Variants in SEMA3E observed in about 807,000 individuals in gnomAD.
The protein encoded by SEMA3E is semaphorin-3E.
Under a neutral mutation model 93.6 loss-of-function variants are expected in SEMA3E, and 49 were observed. That is an observed-to-expected ratio of 0.52 (90% confidence interval 0.42 to 0.66). The LOEUF (loss-of-function observed/expected upper bound fraction) is 0.66, where lower values mean the gene tolerates loss of function less well. Among genes scored for constraint, SEMA3E ranks in the 30% least tolerant of loss-of-function variants. The pLI, the probability that SEMA3E is intolerant of heterozygous loss-of-function variation, is 0.00. For missense variants in SEMA3E, 906 were observed against 964.8 expected (o/e 0.94, Z 0.81); for synonymous variants, 363 against 330.7 (o/e 1.10, Z -1.06).
chr7:83,435,359 C>G (rs1291355515), intron 4 of SEMA3E, among the ~76,000 whole-genome samples: 1 of 152,064 alleles, frequency 6.6e-6, no homozygotes, highest in Non-Finnish European at 1.5e-5. Flanking sequence ...TTTGGGAGGC[C>G]AAGGCAGGCA....
intron 1 of SEMA3E, among the ~76,000 whole-genome samples, chr7:83,536,902 C>T (rs1791420192): frequency 6.6e-6 from 1 of 151,908 alleles, no homozygotes; most frequent in Non-Finnish European, 1.5e-5. Context: ...ATGTTGACAC[C>T]CTAACCCCAA....
At chr7:83,533,063 TC>T (rs1791336312) in intron 1 of SEMA3E, among the ~76,000 whole-genome samples, 1 of 127,146 alleles carries the variant, frequency 7.9e-6, no homozygotes, top group African/African-American at 2.5e-5. Context: ...CACTGTGTCA[TC>T]ACAAGTCACT....
chr7:83,609,312 C>T (rs190402510), intron 1 of SEMA3E, among the ~76,000 whole-genome samples: 3 of 151,910 alleles, frequency 2.0e-5, no homozygotes, highest in Admixed American at 6.6e-5. Context: ...AATTATGATA[C>T]GGATCAGGCA....
intron 4 of SEMA3E, among the ~76,000 whole-genome samples, chr7:83,430,174 G>T (rs117260668): frequency 6.6e-6 from 1 of 152,006 alleles, no homozygotes; most frequent in African/African-American, 2.4e-5. Context: ...ACATAGAAAA[G>T]CCAAAATGGG....
chr7:83,387,852 T>TTA (rs945744448), intron 14 of SEMA3E, among the ~76,000 whole-genome samples: 24 of 139,044 alleles, frequency 1.7e-4, no homozygotes, highest in Admixed American at 1.2e-3. Context: ...ATATATATGT[T>TTA]TATATATATA....
chr7:83,466,205 GA>G (rs1382118841), intron 4 of SEMA3E, among the ~76,000 whole-genome samples: 1 of 152,066 alleles, frequency 6.6e-6, no homozygotes, highest in African/African-American at 2.4e-5. Flanking sequence ...ACACAATAGA[GA>G]ACACAGTTTG....
chr7:83,627,065 G>A (rs1793684845), intron 1 of SEMA3E, among the ~76,000 whole-genome samples: 1 of 152,198 alleles, frequency 6.6e-6, no homozygotes, highest in Admixed American at 6.5e-5. Context: ...ACTGTGGTCT[G>A]AGAGACCGTT....
intron 1 of SEMA3E, among the ~76,000 whole-genome samples, chr7:83,559,202 G>A (rs1457680205): frequency 1.3e-5 from 2 of 152,024 alleles, no homozygotes; most frequent in African/African-American, 2.4e-5. Context: ...ACCTGCTTGA[G>A]CCTTGGTTTC....
chr7:83,478,874 G>A (rs896268733), intron 2 of SEMA3E, among the ~76,000 whole-genome samples: 1 of 152,170 alleles, frequency 6.6e-6, no homozygotes, highest in Non-Finnish European at 1.5e-5. Flanking sequence ...TTCTAATACA[G>A]ATGTACCTGG....
intron 1 of SEMA3E, among the ~76,000 whole-genome samples, chr7:83,570,515 T>C (rs1331128483): frequency 9.3e-6 from 1 of 107,900 alleles, no homozygotes; most frequent in Non-Finnish European, 1.7e-5. Context: ...ATCCCGCCAC[T>C]GCACTCCAGC....
At chr7:83,586,759 A>T (rs536334350) in intron 1 of SEMA3E, among the ~76,000 whole-genome samples, 3 of 151,994 alleles carry the variant, frequency 2.0e-5, no homozygotes, top group Non-Finnish European at 4.4e-5. Flanking sequence ...TGTACAGTCT[A>T]TCATTACCCA....
Position 83,630,893 on chromosome 7 carries a change from G to A in SEMA3E, c.115+17535C>T, listed in dbSNP as rs933753037. On this transcript the variant is annotated intron_variant, in intron 1 of 16. Coordinates refer to ENST00000643230, the MANE Select transcript of SEMA3E (RefSeq NM_012431.3). ...TGAGGAAATTATGAATATTTTTAAC[G>A]CATAAAGTCTTTTGTAAAATTATTT... 1.2e-4 allele frequency among the ~76,000 whole-genome samples: 18 copies of A among 152,038 alleles called. No homozygotes were observed. In the East Asian group the frequency reaches 1.5e-3, roughly 13 times the overall value.
At chr7:83,420,625 C>T (rs1431417417) in intron 4 of SEMA3E, among the ~76,000 whole-genome samples, 1 of 152,084 alleles carries the variant, frequency 6.6e-6, no homozygotes, top group Non-Finnish European at 1.5e-5. Flanking sequence ...CAAGAGCAGA[C>T]ACATAGACCA....
chr7:83,396,474 A>G (rs765323971), intron 12 of SEMA3E, among the ~76,000 whole-genome samples, 164 bp downstream of exon 12: 5 of 152,118 alleles, frequency 3.3e-5, no homozygotes, highest in Non-Finnish European at 5.9e-5. Context: ...GTCTGTAACA[A>G]TCAAACAGAT....
At chr7:83,421,079 A>C (rs1310417691) in intron 4 of SEMA3E, among the ~76,000 whole-genome samples, 1 of 142,504 alleles carries the variant, frequency 7.0e-6, no homozygotes, top group Non-Finnish European at 1.6e-5. Context: ...ACAAAGGTTT[A>C]ATATCCAGAG....
intron 16 of SEMA3E, among the ~76,000 whole-genome samples, chr7:83,369,831 T>C (rs373664980): frequency 6.6e-6 from 1 of 152,208 alleles, no homozygotes; most frequent in East Asian, 1.9e-4. Flanking sequence ...ACAAACTTAT[T>C]TTCCAGCACT....
intron 1 of SEMA3E, among the ~76,000 whole-genome samples, chr7:83,596,916 C>T (rs768211604): frequency 6.6e-6 from 1 of 152,140 alleles, no homozygotes; most frequent in Non-Finnish European, 1.5e-5. Context: ...TTTTAGGAAA[C>T]TCTTCATCCT....
At chr7:83,379,930 C>T (rs1005106341) in intron 16 of SEMA3E, among the ~76,000 whole-genome samples, 3 of 151,800 alleles carry the variant, frequency 2.0e-5, no homozygotes, top group African/African-American at 7.3e-5. Flanking sequence ...GAAATTGATA[C>T]TACATTTTTT....
At chr7:83,419,608 AT>A (rs1193859148) in intron 4 of SEMA3E, among the ~76,000 whole-genome samples, 4 of 152,054 alleles carry the variant, frequency 2.6e-5, no homozygotes, top group African/African-American at 9.7e-5. Context: ...TTTTTGACTT[AT>A]TATAATAGCC....
Sources: gnomAD v4.1 joint callset for allele counts (sites outside exome capture counted in the v4.1 genomes callset) on GRCh38, gnomAD v4.1.1 for gene constraint, MANE v1.5 for transcripts, NCBI Gene and HGNC (gene_info 2026-07-23, HGNC 2026-07-21) for gene names.